The following C2orf78 variants were observed in gnomAD, a reference collection of about 807,000 sequenced individuals.
The protein encoded by C2orf78 is chromosome 2 open reading frame 78, also known as uncharacterized protein C2orf78.
C2orf78 carries 12 observed loss-of-function variants against 21.4 expected under a neutral mutation model. The ratio of observed to expected loss-of-function variants is 0.56; its 90% CI spans 0.36 to 0.91. The LOEUF (loss-of-function observed/expected upper bound fraction) is 0.91. C2orf78 is among the 40% of genes least tolerant of loss of function. C2orf78 has a pLI of 0.01. For missense variants in C2orf78, 1,042 were observed against 1,092.4 expected (o/e 0.95, Z 0.65); for synonymous variants, 396 against 413.9 (o/e 0.96, Z 0.52).
At chr2:73,784,593 C>A (rs1315587367) in intron 1 of C2orf78, among the ~76,000 whole-genome samples, 187 bp downstream of exon 1, 1 of 151,310 alleles carries the variant, frequency 6.6e-6, no homozygotes, top group Admixed American at 6.6e-5. Flanking sequence ...AACTTTTATT[C>A]TCTCACAAAA....
chr2:73,812,858 C>T (rs1167926958), intron 1 of C2orf78, among the ~76,000 whole-genome samples: 1 of 152,104 alleles, frequency 6.6e-6, no homozygotes, highest in Non-Finnish European at 1.5e-5. Flanking sequence ...AACTCTAGGA[C>T]ATATCATATG....
At chr2:73,816,909 T>G in exon 3 of C2orf78, 2 of 1,613,472 alleles carry the variant, frequency 1.2e-6, no homozygotes, top group Non-Finnish European at 1.7e-6. Context: ...TGCTGCCAAA[T>G]ACACCTCTTT....
exon 3 of C2orf78, chr2:73,816,141 C>T: frequency 6.2e-7 from 1 of 1,613,946 alleles, no homozygotes; most frequent in Non-Finnish European, 8.5e-7. Context: ...TTTCCATGCA[C>T]TCGGGAAAAA....
chr2:73,810,450 C>T (rs1208356864), intron 1 of C2orf78, among the ~76,000 whole-genome samples: 1 of 150,576 alleles, frequency 6.6e-6, no homozygotes, highest in African/African-American at 2.4e-5. Flanking sequence ...TCGTTTGAAC[C>T]CAGGAGGTGT....
At chr2:73,813,668 T>G (rs757913793) in exon 2 of C2orf78, 1 of 1,613,942 alleles carries the variant, frequency 6.2e-7, no homozygotes, top group African/African-American at 1.3e-5. Flanking sequence ...GGGCAGTGCC[T>G]ACCTTTACCA....
exon 3 of C2orf78, chr2:73,815,263 C>G (rs1349886254): frequency 6.2e-7 from 1 of 1,613,970 alleles, no homozygotes; most frequent in South Asian, 1.1e-5. Context: ...AATCTCTTGA[C>G]ACTGTCTCCA....
At chr2:73,811,480 T>A (rs1023764645) in intron 1 of C2orf78, among the ~76,000 whole-genome samples, 2 of 152,190 alleles carry the variant, frequency 1.3e-5, no homozygotes, top group Non-Finnish European at 2.9e-5. Flanking sequence ...AGAAGAACAA[T>A]ACCTTTGCAT....
chr2:73,792,590 C>T (rs1672946708), intron 1 of C2orf78, among the ~76,000 whole-genome samples: 1 of 121,600 alleles, frequency 8.2e-6, no homozygotes, highest in Non-Finnish European at 1.6e-5. Flanking sequence ...TTTTCCTGTA[C>T]CCTCACCTTG....
chr2:73,815,607 G>C (rs751900604), exon 3 of C2orf78: 1 of 1,613,948 alleles, frequency 6.2e-7, no homozygotes, highest in Admixed American at 1.7e-5. Context: ...TTCCTTACAA[G>C]ATCTTGACCA....
At position 73,810,584 on chromosome 2, in the gene C2orf78, T is replaced by C. The variant is rs1387019641; in HGVS notation, c.98-2893T>C. Among the ~76,000 whole-genome samples the C allele has an allele frequency of 2.1e-5, 3 of 140,040 alleles. No individual in the cohort carries two copies. The East Asian group carries it at 5.9e-4, about 28-fold the overall frequency. 91.9% of individuals were successfully genotyped at this position (140,040 alleles called of 152,430 possible). ...AATATATATGTATATTTTATGTATA[T>C]TATATATATACATAAAATATATATA... On this transcript the variant is annotated intron_variant, in intron 1 of 2. Coordinates refer to ENST00000409561, the Ensembl canonical transcript of C2orf78.
chr2:73,809,165 A>T (rs1239323613), intron 1 of C2orf78, among the ~76,000 whole-genome samples: 1 of 152,028 alleles, frequency 6.6e-6, no homozygotes, highest in Non-Finnish European at 1.5e-5. Flanking sequence ...TTCTTTTCTA[A>T]TACTGAGTCT....
At chr2:73,817,030 T>C in exon 3 of C2orf78, 2 of 1,562,024 alleles carry the variant, frequency 1.3e-6, no homozygotes, top group Non-Finnish European at 1.7e-6. Context: ...ATACCGCTGG[T>C]TTTCCACATA....
At chr2:73,792,529 G>C (rs1672945803) in intron 1 of C2orf78, among the ~76,000 whole-genome samples, 1 of 139,696 alleles carries the variant, frequency 7.2e-6, no homozygotes, top group South Asian at 2.2e-4. Context: ...ATACAAAATA[G>C]GTATGTTGAA....
At chr2:73,812,177 G>C (rs1673102883) in intron 1 of C2orf78, among the ~76,000 whole-genome samples, 1 of 151,930 alleles carries the variant, frequency 6.6e-6, no homozygotes, top group Non-Finnish European at 1.5e-5. Context: ...GCTGTTTCTT[G>C]GTTAATAGTA....
At chr2:73,808,728 G>T in intron 1 of C2orf78, 1 of 1,515,608 alleles carries the variant, frequency 6.6e-7, no homozygotes, top group South Asian at 1.2e-5. Context: ...GGTTTCCTGG[G>T]CGTGGCCTGT....
chr2:73,812,117 A>G (rs536617270), intron 1 of C2orf78, among the ~76,000 whole-genome samples: 2 of 152,160 alleles, frequency 1.3e-5, no homozygotes, highest in Non-Finnish European at 2.9e-5. Context: ...TTGCTGATAC[A>G]ATTTCTCTGT....
rs180725603 is a variant in C2orf78 at position 73,785,858 on chromosome 2, C to T, written c.97+1452C>T. 2.4e-3 allele frequency among the ~76,000 whole-genome samples: 368 copies of T among 151,792 alleles called. 4 individuals carry two copies. Among genetic ancestry groups the T allele is most frequent in the Middle Eastern group, 0.01 (3 of 292 alleles). ...GGTCAGGAGTGTGAGACAAGCCTGACCAACAAGGAGAAACCCCACCTCTAC... is the reference window on the plus strand; with the variant it reads ...GGTCAGGAGTGTGAGACAAGCCTGATCAACAAGGAGAAACCCCACCTCTAC... On this transcript the variant is annotated intron_variant, in intron 1 of 2. Coordinates refer to ENST00000409561, the Ensembl canonical transcript of C2orf78.
intron 1 of C2orf78, among the ~76,000 whole-genome samples, chr2:73,807,995 C>T (rs1237507730): frequency 1.3e-5 from 2 of 151,148 alleles, no homozygotes; most frequent in African/African-American, 2.5e-5. Context: ...GTGGCTCCCG[C>T]CTGTAATCCC....
intron 2 of C2orf78, 135 bp from the exon 3 acceptor site, chr2:73,814,936 G>A: frequency 1.4e-6 from 1 of 738,866 alleles, no homozygotes; most frequent in Non-Finnish European, 2.2e-6. Context: ...CTAATACAGG[G>A]TCTTGCCCAT....
Sources: allele counts gnomAD v4.1 joint callset (sites outside exome capture counted in the v4.1 genomes callset), GRCh38; gene constraint gnomAD v4.1.1; transcripts MANE v1.5; gene names NCBI Gene and HGNC (gene_info 2026-07-23, HGNC 2026-07-21).